The following KCNN3 variants were observed in gnomAD, a reference collection of about 807,000 sequenced individuals.
The protein encoded by KCNN3 is small conductance calcium-activated potassium channel protein 3.
A neutral mutation model predicts 62.9 loss-of-function variants in KCNN3; 16 were observed. That is an observed-to-expected ratio of 0.25 (90% CI 0.17 to 0.39). KCNN3 has a LOEUF of 0.39. Ranked by LOEUF, KCNN3 falls within the 10% of genes least tolerant of loss-of-function variation. The probability of loss-of-function intolerance (pLI) is 1.00; values close to 1 mark genes in which losing one functional copy is unlikely to be tolerated. For missense variants in KCNN3, 599 were observed against 949.4 expected (o/e 0.63, Z 4.85); for synonymous variants, 370 against 389.2 (o/e 0.95, Z 0.58).
At chr1:154,730,024 G>A (rs1363663146) in intron 4 of KCNN3, among the ~76,000 whole-genome samples, 2 of 152,198 alleles carry the variant, frequency 1.3e-5, no homozygotes, top group Non-Finnish European at 2.9e-5. Context: ...AAGCAGCCTT[G>A]GGGGCTTTGG....
At chr1:154,725,827 G>A (rs1700450893) in intron 5 of KCNN3, 89 bp downstream of exon 5, 1 of 937,210 alleles carries the variant, frequency 1.1e-6, no homozygotes, top group Non-Finnish European at 1.7e-6. Flanking sequence ...ACAGGCGTGA[G>A]CCACTGCACC....
In KCNN3 at chr1:154,705,926, T is replaced by G. The variant is rs887577299; in HGVS notation, c.*2050A>C. 6.6e-6 allele frequency: 1 copy of G among 152,178 alleles called. No individual in the cohort carries two copies. The highest frequency in any genetic ancestry group is 1.5e-5 in the Non-Finnish European group (1 of 68,020). The allele number at this position is 152,178 out of a possible 1,614,324, so 9.4% of individuals were successfully genotyped here. On this transcript the variant is annotated 3_prime_UTR_variant, in exon 8 of 8. Coordinates refer to ENST00000271915, the MANE Select transcript of KCNN3 (RefSeq NM_002249.6). ...TCTGTTTACACATCTGCTTATATGT[T>G]CAGCTGAACTGTCACTGAAAACAGG...
At chr1:154,758,634 G>C (rs555805665) in intron 3 of KCNN3, among the ~76,000 whole-genome samples, 1 of 152,278 alleles carries the variant, frequency 6.6e-6, no homozygotes, top group Non-Finnish European at 1.5e-5. Flanking sequence ...TCTCTGTGCA[G>C]TGGGGGGCAA....
chr1:154,718,310 C>G (rs960464285), intron 5 of KCNN3, among the ~76,000 whole-genome samples: 2 of 152,202 alleles, frequency 1.3e-5, no homozygotes, highest in Admixed American at 6.5e-5. Context: ...TGGGGCCAGA[C>G]AATGGGCTCT....
rs1650321860 is a variant in KCNN3, at chr1:154,809,717, A to G, written c.1029+12372T>C. Among the ~76,000 whole-genome samples the G allele has an allele frequency of 6.6e-6, 1 of 152,226 alleles. No individual in the cohort carries two copies. The highest frequency in any genetic ancestry group is 1.5e-5 in the Non-Finnish European group (1 of 68,038). On this transcript the variant is annotated intron_variant, in intron 2 of 7. Coordinates refer to ENST00000271915, the MANE Select transcript of KCNN3 (RefSeq NM_002249.6). This position sits in a 1 kb window ranked among gnomAD's most constrained non-coding sequence, Gnocchi z 4.3. Reference sequence around the variant, plus strand: ...TGAAACAGCTGCAGGGAAACGTAACAGAAGAAAATGAAAGGTACAGTTCTC... The same window carrying G: ...TGAAACAGCTGCAGGGAAACGTAACGGAAGAAAATGAAAGGTACAGTTCTC...
intron 1 of KCNN3, among the ~76,000 whole-genome samples, chr1:154,832,653 T>C (rs1415028930): frequency 2.0e-5 from 3 of 152,228 alleles, no homozygotes; most frequent in East Asian, 3.9e-4. Flanking sequence ...GCTTTCTGGA[T>C]GGCTTGCTTT....
chr1:154,780,194 C>CT (rs71077969), intron 2 of KCNN3, among the ~76,000 whole-genome samples: 26,676 of 101,222 alleles, frequency 0.26, 3,261 homozygotes, highest in East Asian at 0.37. Flanking sequence ...TTCTTTTTTT[C>CT]TTTTTTTTTT....
chr1:154,816,980 C>A (rs1442158348), intron 2 of KCNN3, among the ~76,000 whole-genome samples: 1 of 152,198 alleles, frequency 6.6e-6, no homozygotes, highest in Non-Finnish European at 1.5e-5. Flanking sequence ...TCTGCAGTTC[C>A]CCATCTCAGA....
At chr1:154,756,708 A>T (rs1386297384) in intron 3 of KCNN3, among the ~76,000 whole-genome samples, 3 of 151,800 alleles carry the variant, frequency 2.0e-5, no homozygotes, top group East Asian at 1.9e-4. Flanking sequence ...AATGCCATAA[A>T]TTTTTTTTTA....
At chr1:154,756,332 AGAG>A (rs1374769550) in intron 3 of KCNN3, among the ~76,000 whole-genome samples, 1 of 151,918 alleles carries the variant, frequency 6.6e-6, no homozygotes, top group Non-Finnish European at 1.5e-5. Context: ...AAAAAGAAGA[AGAG>A]GAGGAGGAAG....
chr1:154,713,540 G>A lies in KCNN3; in HGVS notation c.1830-7C>T. 1 of 1,612,626 alleles carries A rather than the reference G, an allele frequency of 6.2e-7. No homozygotes were observed. The highest frequency in any genetic ancestry group is 1.3e-5 in the African/African-American group (1 of 74,980). On this transcript the variant is annotated splice_polypyrimidine_tract_variant and splice_region_variant and intron_variant, in intron 6 of 7. Coordinates refer to ENST00000271915, the MANE Select transcript of KCNN3 (RefSeq NM_002249.6). ...CATCTTGACGCTCCTCAACCTGTGG[G>A]GAAGAATGGTAACAGGCAAGCCCTT... is the stretch of plus-strand genomic sequence containing the variant.
At position 154,869,753 on chromosome 1, in the gene KCNN3, T is replaced by TGCTGCTGAA. The variant is rs1558015694; in HGVS notation, c.211_212insTTCAGCAGC (p.Gln70_Gln71insLeuGlnGln). The TGCTGCTGAA allele has an allele frequency of 6.6e-7, 1 of 1,522,540 alleles. No individual in the cohort carries two copies. The allele number at this position is 1,522,540 out of a possible 1,614,324, so 94.3% of individuals were successfully genotyped here. ...CTGCTGCTGCTGCTGCTGCTGCTGC[T>TGCTGCTGAA]GCTGCTGCTGCTGAAGCTGCGGAGG... On this transcript the variant is annotated inframe_insertion, in exon 1 of 8. Transcript: ENST00000271915. This position sits in a 1 kb window ranked among gnomAD's most constrained non-coding sequence, Gnocchi z 6.1.
intron 2 of KCNN3, among the ~76,000 whole-genome samples, chr1:154,815,474 C>T (rs1258434316): frequency 3.3e-5 from 5 of 152,188 alleles, no homozygotes; most frequent in Admixed American, 1.3e-4. Flanking sequence ...TCCTCCGTGG[C>T]CACTTGGTGT....
intron 5 of KCNN3, among the ~76,000 whole-genome samples, chr1:154,719,180 C>T (rs1264953986): frequency 6.6e-6 from 1 of 152,116 alleles, no homozygotes; most frequent in Non-Finnish European, 1.5e-5. Flanking sequence ...CCAGGGGTCC[C>T]ATTAGCAGAG....
rs55997241 is a variant in KCNN3, at chr1:154,698,652, G to A, written c.*9324C>T. 7,730 of 152,296 alleles carry A rather than the reference G, an allele frequency of 0.051. 322 individuals are homozygous for A. The highest frequency in any genetic ancestry group is 0.078 in the Non-Finnish European group (5,325 of 68,054). 9.4% of individuals were successfully genotyped at this position (152,296 alleles called of 1,614,324 possible). On this transcript the variant is annotated 3_prime_UTR_variant, in exon 8 of 8. Coordinates refer to ENST00000271915, the MANE Select transcript of KCNN3 (RefSeq NM_002249.6). ...AGAGAAGACCTTTGGCTAAGGTAGA[G>A]AAAGGCTGACTCATACAGGCAGTTG...
chr1:154,800,653 G>A (rs1372302869), intron 2 of KCNN3, among the ~76,000 whole-genome samples: 1 of 152,136 alleles, frequency 6.6e-6, no homozygotes, highest in African/African-American at 2.4e-5. Context: ...ATGCCAGCCA[G>A]CCTGAGAAAG....
intron 4 of KCNN3, among the ~76,000 whole-genome samples, chr1:154,727,608 G>T (rs1557945063): frequency 6.6e-6 from 1 of 152,194 alleles, no homozygotes; most frequent in Non-Finnish European, 1.5e-5. Flanking sequence ...AAAGTGAAAA[G>T]AACCAAGTCT....
Position 154,847,220 on chromosome 1 carries a change from G to A in KCNN3, c.933+21812C>T, listed in dbSNP as rs563993311. Reference sequence around the variant, plus strand: ...CTCCTCACTACCCCCCCCTGCCCTCGGGGAGCCTGCACATCTCTCCAGGCC... The same window carrying A: ...CTCCTCACTACCCCCCCCTGCCCTCAGGGAGCCTGCACATCTCTCCAGGCC... On this transcript the variant is annotated intron_variant, in intron 1 of 7. Transcript: ENST00000271915. 7.2e-5 allele frequency among the ~76,000 whole-genome samples: 11 copies of A among 151,744 alleles called. No individual in the cohort carries two copies. In the East Asian group the frequency reaches 9.7e-4, roughly 13 times the overall value.
chr1:154,869,382 G>A lies in KCNN3; in HGVS notation c.583C>T (p.Arg195Trp), dbSNP rs1653083151. 1 of 1,613,988 alleles carries A rather than the reference G, an allele frequency of 6.2e-7. No homozygotes were observed. The highest frequency in any genetic ancestry group is 8.5e-7 in the Non-Finnish European group (1 of 1,179,992). Reference sequence around the variant, plus strand: ...GTCTCGGCCTCGATGAGGTTCCTCCGGGAGGCGCTGAGGCGGCTGAGGGGC... The same window carrying A: ...GTCTCGGCCTCGATGAGGTTCCTCCAGGAGGCGCTGAGGCGGCTGAGGGGC... Reference protein sequence around the residue: ...MKPLSRLSASRRNLIEAETEG... With the variant: ...MKPLSRLSASWRNLIEAETEG... Residue 195 changes from arginine to tryptophan, a missense_variant, in exon 1 of 8, where the codon CGG becomes TGG. By Grantham distance (101) the Arg-to-Trp change is moderately radical (BLOSUM62 -3). Around this residue, in one of 7 missense-constraint regions of KCNN3, gnomAD observed 1 missense variants for 16.0 expected, o/e 0.06. Coordinates refer to ENST00000271915, the MANE Select transcript of KCNN3 (RefSeq NM_002249.6). This position sits in a 1 kb window ranked among gnomAD's most constrained non-coding sequence, Gnocchi z 6.1.
Sources: gnomAD v4.1 joint callset for allele counts (sites outside exome capture counted in the v4.1 genomes callset) on GRCh38, gnomAD v4.1.1 for gene constraint, gnomAD v4.1.1 regional missense constraint, Gnocchi (gnomAD v3.1) non-coding constraint, MANE v1.5 for transcripts, NCBI Gene and HGNC (gene_info 2026-07-23, HGNC 2026-07-21) for gene names.